Variants in SORCS1 observed in about 807,000 individuals in gnomAD.
SORCS1 encodes the protein sortilin related VPS10 domain containing receptor 1, also known as VPS10 domain-containing receptor SorCS1.
Under a neutral mutation model 146.1 loss-of-function variants are expected in SORCS1, and 60 were observed. That is an observed-to-expected ratio of 0.41 (90% CI 0.33 to 0.51). The LOEUF (loss-of-function observed/expected upper bound fraction) is 0.51, where lower values mean the gene tolerates loss of function less well. Among genes scored for constraint, SORCS1 ranks in the 20% least tolerant of loss-of-function variants. SORCS1 has a pLI of 0.21. For synonymous variants in SORCS1, 637 were observed against 584.0 expected (o/e 1.09, Z -1.31); for missense variants, 1,352 against 1,487.6 (o/e 0.91, Z 1.50).
chr10:107,111,164 A>G (rs1024086149), intron 1 of SORCS1, among the ~76,000 whole-genome samples: 40 of 152,332 alleles, frequency 2.6e-4, no homozygotes, highest in African/African-American at 8.7e-4. Flanking sequence ...AGCGATAACA[A>G]CAAATCAGGC....
At chr10:107,096,972 C>T (rs1590128290) in intron 1 of SORCS1, among the ~76,000 whole-genome samples, 1 of 152,178 alleles carries the variant, frequency 6.6e-6, no homozygotes, top group South Asian at 2.1e-4. Context: ...CTAGTTTTCT[C>T]CAATCTTCAA....
chr10:106,867,154 AAATGGAAAAAAAG>A (rs1293383605), intron 2 of SORCS1, among the ~76,000 whole-genome samples: 167 of 152,320 alleles, frequency 1.1e-3, no homozygotes, highest in African/African-American at 3.9e-3. Context: ...TCCAAGGTCA[AAATGGAAAAAAAG>A]AATGTTAAAG....
intron 1 of SORCS1, among the ~76,000 whole-genome samples, chr10:107,136,803 T>C (rs906095438): frequency 5.9e-5 from 9 of 152,080 alleles, no homozygotes; most frequent in African/African-American, 1.9e-4. Context: ...CGGTTTCACA[T>C]TCGTAGCTAA....
chr10:107,057,377 T>C (rs1297651242), intron 1 of SORCS1, among the ~76,000 whole-genome samples: 5 of 152,262 alleles, frequency 3.3e-5, no homozygotes, highest in African/African-American at 4.8e-5. Flanking sequence ...TTGATTAAGA[T>C]AAAGCCCTGT....
intron 1 of SORCS1, among the ~76,000 whole-genome samples, chr10:106,974,476 T>A (rs1955913421): frequency 6.6e-6 from 1 of 152,062 alleles, no homozygotes; most frequent in African/African-American, 2.4e-5. Flanking sequence ...TATGGTGATG[T>A]GGTACAACTC....
At chr10:106,994,086 A>AAAAAAG (rs1554908001) in intron 1 of SORCS1, among the ~76,000 whole-genome samples, 101 of 134,978 alleles carry the variant, frequency 7.5e-4, no homozygotes, top group African/African-American at 3.4e-3. Context: ...AAAAAAAAAA[A>AAAAAAG]AGAAAATGAG....
At chr10:106,982,534 T>C (rs188457707) in intron 1 of SORCS1, among the ~76,000 whole-genome samples, 3 of 152,186 alleles carry the variant, frequency 2.0e-5, no homozygotes, top group African/African-American at 4.8e-5. Context: ...AGGGGGCACA[T>C]GTCTTTCACC....
intron 17 of SORCS1, among the ~76,000 whole-genome samples, chr10:106,665,971 G>A (rs1200563839): frequency 6.6e-6 from 1 of 152,012 alleles, no homozygotes; most frequent in Non-Finnish European, 1.5e-5. Flanking sequence ...CTCCCAAGTA[G>A]CTGGGACTAC....
At chr10:106,754,558 A>G (rs1858493890) in intron 5 of SORCS1, among the ~76,000 whole-genome samples, 1 of 152,230 alleles carries the variant, frequency 6.6e-6, no homozygotes. Context: ...CGATATATGC[A>G]AAATACTTAG....
chr10:106,845,095 C>T (rs1270016348), intron 2 of SORCS1, among the ~76,000 whole-genome samples: 4 of 110,508 alleles, frequency 3.6e-5, no homozygotes, highest in Admixed American at 9.4e-5. Flanking sequence ...GGGTATATAC[C>T]CAGTAATGGG....
intron 2 of SORCS1, among the ~76,000 whole-genome samples, chr10:106,904,360 C>T (rs1006995890): frequency 2.0e-5 from 3 of 152,198 alleles, no homozygotes; most frequent in Middle Eastern, 3.4e-3. Flanking sequence ...GGGAATTTAC[C>T]TTCTACTGGA....
intron 1 of SORCS1, among the ~76,000 whole-genome samples, chr10:107,129,536 G>A (rs766297601): frequency 7.9e-5 from 12 of 152,218 alleles, no homozygotes; most frequent in Non-Finnish European, 1.3e-4. Flanking sequence ...GAAACCAGGT[G>A]GAGACGGTTT....
At chr10:106,988,198 T>C (rs923852771) in intron 1 of SORCS1, among the ~76,000 whole-genome samples, 4 of 152,226 alleles carry the variant, frequency 2.6e-5, no homozygotes, top group African/African-American at 4.8e-5. Context: ...CTTTATTCTA[T>C]AGAGTCATGC....
chr10:106,624,135 G>A (rs1220270430), intron 19 of SORCS1, among the ~76,000 whole-genome samples: 1 of 152,056 alleles, frequency 6.6e-6, no homozygotes, highest in African/African-American at 2.4e-5. Context: ...ATTTTTGAAA[G>A]TGTGATGATG....
intron 21 of SORCS1, 84 bp from the exon 22 acceptor site, chr10:106,612,107 G>A (rs961917716): frequency 1.9e-6 from 2 of 1,075,448 alleles, no homozygotes; most frequent in African/African-American, 3.1e-5. Flanking sequence ...TATACAAAAT[G>A]GAGGGTCCTT....
At chr10:106,751,183 AG>A (rs751776882) in intron 5 of SORCS1, among the ~76,000 whole-genome samples, 8 of 151,916 alleles carry the variant, frequency 5.3e-5, no homozygotes, top group Middle Eastern at 3.2e-3. Flanking sequence ...ACGCCTCTCA[AG>A]GTAATAAAAA....
At chr10:107,109,399 C>T (rs1965526028) in intron 1 of SORCS1, among the ~76,000 whole-genome samples, 1 of 152,232 alleles carries the variant, frequency 6.6e-6, no homozygotes, top group South Asian at 2.1e-4. Context: ...GCAGGCTTAA[C>T]ACTACATGGA....
chr10:106,629,103 A>T lies in SORCS1; in HGVS notation c.2662+99T>A, dbSNP rs1040433182. On this transcript the variant is annotated intron_variant, in intron 19 of 25. Transcript: ENST00000263054. ...TTCCCCATTCCCCTTCTGCTAAAAG[A>T]TAACTAGTGTACTTCTTCTAGATAT... is the stretch of plus-strand genomic sequence containing the variant. 1.3e-5 allele frequency: 14 copies of T among 1,062,706 alleles called. 1 individual carries two copies. Among genetic ancestry groups the T allele is most frequent in the African/African-American group, 4.8e-5 (3 of 63,038 alleles). The allele number at this position is 1,062,706 out of a possible 1,614,324, so 65.8% of individuals were successfully genotyped here.
At chr10:106,791,798 G>A (rs11193053) in intron 3 of SORCS1, among the ~76,000 whole-genome samples, 34,266 of 152,096 alleles carry the variant, frequency 0.23, 4,321 homozygotes, top group Non-Finnish European at 0.29. Flanking sequence ...AGTGCCTATC[G>A]CAACACTAGG....
Sources: gnomAD v4.1 joint callset for allele counts (sites outside exome capture counted in the v4.1 genomes callset) on GRCh38, gnomAD v4.1.1 for gene constraint, MANE v1.5 for transcripts, NCBI Gene and HGNC (gene_info 2026-07-23, HGNC 2026-07-21) for gene names.